Variants in ANKRD45 observed in about 807,000 individuals in gnomAD.
ANKRD45 encodes the protein ankyrin repeat domain-containing protein 45.
Under a neutral mutation model 28.1 loss-of-function variants are expected in ANKRD45, and 21 were observed. The observed-to-expected ratio is 0.75, with a 90% CI of 0.53 to 1.08. ANKRD45 has a LOEUF of 1.08. Ranked by LOEUF, ANKRD45 falls within the 50% of genes least tolerant of loss-of-function variation. ANKRD45 has a pLI of 0.00. For synonymous variants in ANKRD45, 86 were observed against 103.9 expected (o/e 0.83, Z 1.05); for missense variants, 261 against 308.7 (o/e 0.85, Z 1.16).
At chr1:173,624,525 T>C (rs1179224403) in intron 5 of ANKRD45, among the ~76,000 whole-genome samples, 5 of 151,376 alleles carry the variant, frequency 3.3e-5, no homozygotes, top group Admixed American at 2.6e-4. Context: ...AAAGCTACAG[T>C]AATCCCATAA....
intron 2 of ANKRD45, among the ~76,000 whole-genome samples, chr1:173,655,140 G>T (rs549868097): frequency 1.3e-5 from 2 of 152,326 alleles, no homozygotes; most frequent in African/African-American, 4.8e-5. Context: ...TTGTTCCGTT[G>T]CTGGTGAAGA....
chr1:173,676,626 T>C, the ANKRD45 span, among the ~76,000 whole-genome samples: 3 of 151,822 alleles, frequency 2.0e-5, no homozygotes, highest in African/African-American at 7.3e-5. Context: ...AAAACCACCT[T>C]TTAAAGAGGA....
intron 3 of ANKRD45, among the ~76,000 whole-genome samples, chr1:173,637,609 G>A (rs1238064358): frequency 1.3e-5 from 2 of 152,150 alleles, no homozygotes; most frequent in Non-Finnish European, 2.9e-5. Context: ...TAGCCAATCA[G>A]GTTGAGTACA....
the ANKRD45 span, among the ~76,000 whole-genome samples, chr1:173,712,807 T>C: frequency 9.1e-4 from 138 of 152,296 alleles, no homozygotes; most frequent in African/African-American, 3.2e-3. Context: ...AATAAATAAA[T>C]TAGTGCAGTA....
chr1:173,634,791 T>C (rs759466946), intron 3 of ANKRD45, among the ~76,000 whole-genome samples: 18 of 152,082 alleles, frequency 1.2e-4, no homozygotes, highest in Admixed American at 8.5e-4. Flanking sequence ...TGTACACTCC[T>C]TAAAGGCAAG....
At chr1:173,694,752 C>A in the ANKRD45 span, among the ~76,000 whole-genome samples, 1 of 152,012 alleles carries the variant, frequency 6.6e-6, no homozygotes, top group Non-Finnish European at 1.5e-5. Flanking sequence ...GTCCATTATA[C>A]CATTTTGTAT....
At chr1:173,687,822 G>A in the ANKRD45 span, among the ~76,000 whole-genome samples, 48 of 151,946 alleles carry the variant, frequency 3.2e-4, no homozygotes, top group Non-Finnish European at 4.9e-4. Flanking sequence ...ACTGAATACC[G>A]ATTGTGTCTT....
intron 5 of ANKRD45, among the ~76,000 whole-genome samples, chr1:173,620,502 A>G (rs186206508): frequency 6.6e-6 from 1 of 152,332 alleles, no homozygotes; most frequent in East Asian, 1.9e-4. Flanking sequence ...AAAAAGCTGG[A>G]AAGACCTCAA....
At chr1:173,638,248 G>C (rs796442255) in intron 3 of ANKRD45, among the ~76,000 whole-genome samples, 1 of 152,128 alleles carries the variant, frequency 6.6e-6, no homozygotes, top group Non-Finnish European at 1.5e-5. Flanking sequence ...TCTGGTGTGA[G>C]AGATTGAGCC....
the ANKRD45 span, among the ~76,000 whole-genome samples, chr1:173,689,799 C>T: frequency 6.6e-6 from 1 of 152,028 alleles, no homozygotes; most frequent in South Asian, 2.1e-4. Context: ...CTGGGGGTCT[C>T]GGGTGGAGAA....
At chr1:173,703,272 C>T in the ANKRD45 span, among the ~76,000 whole-genome samples, 2 of 150,332 alleles carry the variant, frequency 1.3e-5, no homozygotes, top group Non-Finnish European at 3.0e-5. Context: ...GACACGATCT[C>T]GGGTCACTGC....
At chr1:173,645,202 T>C (rs756395235) in intron 3 of ANKRD45, among the ~76,000 whole-genome samples, 2 of 152,200 alleles carry the variant, frequency 1.3e-5, no homozygotes, top group Admixed American at 6.5e-5. Context: ...GCACAACTCA[T>C]CTCTTTCTTC....
Position 173,635,377 on chromosome 1 carries a change from T to C in ANKRD45, c.497-8218A>G, listed in dbSNP as rs1198061996. On this transcript the variant is annotated intron_variant, in intron 3 of 5. Transcript: ENST00000333279. ...GGCAAGGTTATATGAAGTGCTTTTA[T>C]TGAAGCACCATTTTAACTAATAGCT... 2.1e-5 allele frequency: 14 copies of C among 665,622 alleles called. No individual in the cohort carries two copies. In the South Asian group the frequency reaches 2.7e-4, roughly 13 times the overall value. The allele number at this position is 665,622 out of a possible 1,614,324, so 41.2% of individuals were successfully genotyped here. A position where few individuals can be genotyped will look rare whatever the true frequency, so the allele number is the denominator to read the frequency against.
chr1:173,641,570 G>T (rs1010143619), intron 3 of ANKRD45, among the ~76,000 whole-genome samples: 1 of 152,162 alleles, frequency 6.6e-6, no homozygotes, highest in Non-Finnish European at 1.5e-5. Flanking sequence ...ATCAGTCCCC[G>T]AGCTGTATGA....
chr1:173,632,833 T>C (rs1037856880), intron 3 of ANKRD45, among the ~76,000 whole-genome samples: 1 of 151,968 alleles, frequency 6.6e-6, no homozygotes, highest in African/African-American at 2.4e-5. Flanking sequence ...AAAAACTGGG[T>C]ATAGTAGGAA....
chr1:173,687,357 TTC>T, the ANKRD45 span, among the ~76,000 whole-genome samples: 1 of 152,162 alleles, frequency 6.6e-6, no homozygotes, highest in African/African-American at 2.4e-5. Flanking sequence ...CGCCTCAACT[TTC>T]TGACTTGTCA....
At chr1:173,657,084 AT>A (rs1239260640) in intron 2 of ANKRD45, among the ~76,000 whole-genome samples, 4 of 148,682 alleles carry the variant, frequency 2.7e-5, no homozygotes, top group African/African-American at 4.9e-5. Flanking sequence ...GGCTCTAATG[AT>A]TTTTTTTACA....
At chr1:173,709,346 C>A in the ANKRD45 span, among the ~76,000 whole-genome samples, 1 of 152,218 alleles carries the variant, frequency 6.6e-6, no homozygotes, top group Non-Finnish European at 1.5e-5. Context: ...AGGCTTCTCA[C>A]AGGGCAGCTC....
the ANKRD45 span, among the ~76,000 whole-genome samples, chr1:173,695,844 T>C: frequency 6.6e-6 from 1 of 152,260 alleles, no homozygotes; most frequent in South Asian, 2.1e-4. Context: ...CAGTCTTCCA[T>C]AGCACTCCCA....
Sources: gnomAD v4.1 joint callset for allele counts (sites outside exome capture counted in the v4.1 genomes callset) on GRCh38, gnomAD v4.1.1 for gene constraint, MANE v1.5 for transcripts, NCBI Gene and HGNC (gene_info 2026-07-23, HGNC 2026-07-21) for gene names.